Variants in IL1RAPL1 observed in about 807,000 individuals in gnomAD.
The protein encoded by IL1RAPL1 is interleukin-1 receptor accessory protein-like 1.
A neutral mutation model predicts 48.4 loss-of-function variants in IL1RAPL1; 3 were observed. That is an observed-to-expected ratio of 0.06 (90% CI 0.03 to 0.16). The LOEUF (loss-of-function observed/expected upper bound fraction) is 0.16, where lower values mean the gene tolerates loss of function less well. Among genes scored for constraint, IL1RAPL1 ranks in the 10% least tolerant of loss-of-function variants. The pLI is 1.00. For missense variants in IL1RAPL1, 349 were observed against 530.6 expected, an observed-to-expected ratio of 0.66 and a Z score of 3.36; for synonymous variants, 185 against 187.7, an observed-to-expected ratio of 0.99 and a Z score of 0.12.
chrX:29,599,565 C>G (rs933945692), intron 5 of IL1RAPL1, among the ~76,000 whole-genome samples: 4 of 112,124 alleles, frequency 3.6e-5, no homozygotes, highest in African/African-American at 1.3e-4. Context: ...GTCTAAATCT[C>G]TAATAAGGCT....
chrX:29,867,882 T>A (rs1424207740), intron 6 of IL1RAPL1, among the ~76,000 whole-genome samples: 1 of 112,136 alleles, frequency 8.9e-6, no homozygotes, highest in Non-Finnish European at 1.9e-5. Context: ...TTAAGGCCAA[T>A]TCAGAACGTG....
At position 29,515,386 on chromosome X, in the gene IL1RAPL1, A is replaced by G. The variant is rs5972320; in HGVS notation, c.703+116078A>G. Among the ~76,000 whole-genome samples the G allele has an allele frequency of 6.9e-3, 776 of 111,991 alleles. 8 individuals are homozygous for G. Among genetic ancestry groups the G allele is most frequent in the African/African-American group, 0.024 (748 of 30,826 alleles). Reference sequence around the variant, plus strand: ...ACCACAAGGATTCCTCCTGTTGCCAATTAGTAGCCATACCACTTCCCTTCT... The same window carrying G: ...ACCACAAGGATTCCTCCTGTTGCCAGTTAGTAGCCATACCACTTCCCTTCT... On this transcript the variant is annotated intron_variant, in intron 5 of 10. Transcript: ENST00000378993.
In IL1RAPL1 at chrX:29,399,314, C is replaced by T; in HGVS notation, c.703+6C>T. On this transcript the variant is annotated splice_donor_region_variant and intron_variant, in intron 5 of 10. Transcript: ENST00000378993. ...TACTGAATTAACTGTTACAGGTAATCACAGTCTTCAATATTTCACTTGCAA... is the reference window on the plus strand; with the variant it reads ...TACTGAATTAACTGTTACAGGTAATTACAGTCTTCAATATTTCACTTGCAA... 8.4e-7 allele frequency: 1 copy of T among 1,187,792 alleles called. No individual in the cohort carries two copies. Among genetic ancestry groups the T allele is most frequent in the Non-Finnish European group, 1.1e-6 (1 of 874,207 alleles).
intron 1 of IL1RAPL1, among the ~76,000 whole-genome samples, chrX:28,777,443 C>T (rs1039989458): frequency 8.9e-6 from 1 of 112,068 alleles, no homozygotes; most frequent in Non-Finnish European, 1.9e-5. Context: ...AGCCATTATT[C>T]TGTCTAGCAC....
rs140137341 is a variant in IL1RAPL1, at chrX:29,404,965, G to A, written c.703+5657G>A. 8.2e-3 allele frequency among the ~76,000 whole-genome samples: 914 copies of A among 111,385 alleles called. 29 individuals carry two copies. Among genetic ancestry groups the A allele is most frequent in the East Asian group, 0.061 (215 of 3,537 alleles). On this transcript the variant is annotated intron_variant, in intron 5 of 10. Coordinates refer to ENST00000378993, the MANE Select transcript of IL1RAPL1 (RefSeq NM_014271.4). ...GTCTTGCTCTGTCGCCCAGGGTGGA[G>A]TGCAGTGGCATGATCTCGGCTCACT...
At chrX:28,732,099 C>T (rs1935762226) in intron 1 of IL1RAPL1, among the ~76,000 whole-genome samples, 1 of 111,533 alleles carries the variant, frequency 9.0e-6, no homozygotes, top group African/African-American at 3.3e-5. Context: ...ATCTTTTCAA[C>T]AGCCAGACTT....
intron 5 of IL1RAPL1, among the ~76,000 whole-genome samples, chrX:29,450,151 T>A (rs1934662423): frequency 8.9e-6 from 1 of 111,893 alleles, no homozygotes; most frequent in African/African-American, 3.2e-5. Context: ...ATAAGTCAAT[T>A]TTAGCATAAT....
intron 2 of IL1RAPL1, among the ~76,000 whole-genome samples, chrX:28,866,787 T>C (rs913478856): frequency 5.4e-5 from 6 of 111,978 alleles, no homozygotes; most frequent in Non-Finnish European, 1.1e-4. Flanking sequence ...CAAACTCAAG[T>C]TATCTCATTC....
At chrX:29,804,163 T>C (rs1004671824) in intron 6 of IL1RAPL1, among the ~76,000 whole-genome samples, 6 of 111,603 alleles carry the variant, frequency 5.4e-5, no homozygotes, top group African/African-American at 2.0e-4. Flanking sequence ...ATTAAAAATT[T>C]TAATGCTAAA....
At chrX:29,303,388 T>C (rs1932568191) in intron 3 of IL1RAPL1, among the ~76,000 whole-genome samples, 1 of 111,945 alleles carries the variant, frequency 8.9e-6, no homozygotes, top group Admixed American at 9.5e-5. Flanking sequence ...GTTGATGATG[T>C]AAAATGTGTG....
intron 2 of IL1RAPL1, among the ~76,000 whole-genome samples, chrX:29,158,931 T>TCTCC (rs1428016080): frequency 2.7e-4 from 15 of 55,657 alleles, no homozygotes; most frequent in African/African-American, 5.1e-4. Flanking sequence ...TCTCTCTCTC[T>TCTCC]CCCCCCCCCT....
intron 8 of IL1RAPL1, among the ~76,000 whole-genome samples, chrX:29,928,398 C>G (rs1932910895): frequency 9.1e-6 from 1 of 109,609 alleles, no homozygotes; most frequent in Non-Finnish European, 1.9e-5. Flanking sequence ...CAACCCCTCA[C>G]TCCTCCTTCT....
At chrX:28,875,314 A>G (rs1441830848) in intron 2 of IL1RAPL1, among the ~76,000 whole-genome samples, 1 of 111,877 alleles carries the variant, frequency 8.9e-6, no homozygotes, top group Non-Finnish European at 1.9e-5. Context: ...GTAAAAATGA[A>G]TGCTCCAAAA....
At chrX:29,710,957 T>C (rs1221703406) in intron 6 of IL1RAPL1, among the ~76,000 whole-genome samples, 3 of 105,823 alleles carry the variant, frequency 2.8e-5, no homozygotes, top group Non-Finnish European at 5.8e-5. Context: ...AAATTTATTT[T>C]TTAAAAATTG....
intron 1 of IL1RAPL1, among the ~76,000 whole-genome samples, chrX:28,783,610 C>T (rs1426473798): frequency 1.8e-5 from 2 of 111,715 alleles, no homozygotes; most frequent in Non-Finnish European, 3.8e-5. Context: ...ATGTATCCCC[C>T]TCCCTACTCC....
At chrX:28,731,814 A>C (rs774627877) in intron 1 of IL1RAPL1, among the ~76,000 whole-genome samples, 9 of 112,183 alleles carry the variant, frequency 8.0e-5, no homozygotes, top group African/African-American at 2.9e-4. Context: ...TTTTTAAGAA[A>C]GATGTCAAAG....
chrX:29,529,821 G>A (rs762211449), intron 5 of IL1RAPL1, among the ~76,000 whole-genome samples: 1 of 111,448 alleles, frequency 9.0e-6, no homozygotes, highest in South Asian at 3.8e-4. Flanking sequence ...GTGAAAGAGA[G>A]AGAAAGGGAA....
At chrX:29,951,256 A>T (rs1933314929) in intron 9 of IL1RAPL1, among the ~76,000 whole-genome samples, 1 of 112,336 alleles carries the variant, frequency 8.9e-6, no homozygotes, top group Non-Finnish European at 1.9e-5. Flanking sequence ...AGCCCCAGTC[A>T]CATACCTGAG....
At position 29,205,419 on chromosome X, in the gene IL1RAPL1, T is replaced by C. The variant is rs989283113; in HGVS notation, c.83-77519T>C. Among the ~76,000 whole-genome samples the C allele has an allele frequency of 2.7e-5, 3 of 111,942 alleles. No individual in the cohort carries two copies. The Admixed American group carries it at 2.9e-4, about 11-fold the overall frequency. On this transcript the variant is annotated intron_variant, in intron 2 of 10. Coordinates refer to ENST00000378993, the MANE Select transcript of IL1RAPL1 (RefSeq NM_014271.4). The stretch of plus-strand genomic sequence containing the variant: ...TCTCCCAAAACGCATGCCATCCCAG[T>C]GTAAGCCTGGTCATATATATATTGA...
Sources: allele counts gnomAD v4.1 joint callset (sites outside exome capture counted in the v4.1 genomes callset), GRCh38; gene constraint gnomAD v4.1.1; transcripts MANE v1.5; gene names NCBI Gene and HGNC (gene_info 2026-07-23, HGNC 2026-07-21).